PRRC2C: variants seen among roughly 807,000 people sequenced by gnomAD.
The protein encoded by PRRC2C is proline rich coiled-coil 2C, also known as protein PRRC2C.
PRRC2C carries 72 observed loss-of-function variants against 317.2 expected under a neutral mutation model. The ratio of observed to expected loss-of-function variants is 0.23; its 90% CI spans 0.19 to 0.28. The LOEUF is 0.28. PRRC2C is among the 10% of genes least tolerant of loss of function. PRRC2C has a pLI of 1.00. For synonymous variants in PRRC2C, 1,296 were observed against 1,205.9 expected (o/e 1.07, Z -1.55); for missense variants, 3,074 against 3,459.7 (o/e 0.89, Z 2.80).
At chr1:171,521,623 C>T (rs1673584921) in intron 6 of PRRC2C, among the ~76,000 whole-genome samples, 2 of 152,146 alleles carry the variant, frequency 1.3e-5, no homozygotes, top group Admixed American at 1.3e-4. Context: ...CCTGCCACCC[C>T]TACATTTTTC....
At chr1:171,494,116 T>G (rs1031887719) in intron 1 of PRRC2C, among the ~76,000 whole-genome samples, 1 of 152,220 alleles carries the variant, frequency 6.6e-6, no homozygotes, top group Non-Finnish European at 1.5e-5. Context: ...TTAAAATACA[T>G]AAGTTGTTAA....
chr1:171,514,298 CAA>C (rs1375094698), intron 3 of PRRC2C, among the ~76,000 whole-genome samples: 13 of 150,014 alleles, frequency 8.7e-5, no homozygotes, highest in African/African-American at 3.2e-4. Context: ...GTGTTTTAAA[CAA>C]AATGGAAAAC....
chr1:171,591,874 G>T lies in PRRC2C; in HGVS notation c.*27G>T. 4 of 751,178 alleles carry T rather than the reference G, an allele frequency of 5.3e-6. No homozygotes were observed. Among genetic ancestry groups the T allele is most frequent in the Non-Finnish European group, 6.3e-6 (3 of 478,044 alleles). The allele number at this position is 751,178 out of a possible 1,614,324, so 46.5% of individuals were successfully genotyped here. On this transcript the variant is annotated 3_prime_UTR_variant, in exon 35 of 35. Transcript: ENST00000647382. ...GGCTATGGTTTATTGCAGGGGATTG[G>T]GAGGGGGGCGGGAAAACATGGAGAA...
At position 171,572,543 on chromosome 1, in the gene PRRC2C, A is replaced by G. The variant is rs570412566; in HGVS notation, c.6753+1122A>G. Among the ~76,000 whole-genome samples, 20 of 152,322 alleles carry G rather than the reference A, an allele frequency of 1.3e-4. No homozygotes were observed. The East Asian group carries it at 3.5e-3, about 26-fold the overall frequency. On this transcript the variant is annotated intron_variant, in intron 24 of 34. Transcript: ENST00000647382. Reference sequence around the variant, plus strand: ...CTTCTTTGTAAGAGGCTTAACAAATATAAGTTTGAGATCATAAAATTTTAT... The same window carrying G: ...CTTCTTTGTAAGAGGCTTAACAAATGTAAGTTTGAGATCATAAAATTTTAT...
intron 23 of PRRC2C, among the ~76,000 whole-genome samples, chr1:171,570,577 C>T (rs549414324): frequency 3.3e-5 from 5 of 152,222 alleles, no homozygotes; most frequent in Middle Eastern, 6.8e-3. Context: ...AACAACTGAA[C>T]GAACCATCCA....
At chr1:171,577,988 G>A (rs1282868221) in intron 26 of PRRC2C, among the ~76,000 whole-genome samples, 1 of 144,992 alleles carries the variant, frequency 6.9e-6, no homozygotes, top group African/African-American at 2.6e-5. Context: ...GTAGAGACGG[G>A]TTTTACCGTG....
intron 24 of PRRC2C, among the ~76,000 whole-genome samples, chr1:171,574,611 G>C (rs1468919959): frequency 2.0e-5 from 3 of 152,144 alleles, no homozygotes; most frequent in Non-Finnish European, 4.4e-5. Flanking sequence ...AGAAGCATTG[G>C]AGTAAAAAGA....
intron 28 of PRRC2C, among the ~76,000 whole-genome samples, chr1:171,582,857 T>TAA (rs35348195): frequency 0.28 from 41,258 of 147,762 alleles, 6,409 homozygotes; most frequent in South Asian, 0.57. Context: ...CTAAATTTGT[T>TAA]AAAAAAAAAA....
intron 28 of PRRC2C, among the ~76,000 whole-genome samples, chr1:171,580,742 GAGTC>G (rs937524818): frequency 6.6e-5 from 10 of 152,180 alleles, no homozygotes; most frequent in Non-Finnish European, 1.5e-4. Context: ...GAGTGAGTAA[GAGTC>G]AGATAGTAGG....
intron 1 of PRRC2C, among the ~76,000 whole-genome samples, chr1:171,489,128 A>G (rs1434050536): frequency 1.3e-5 from 2 of 152,150 alleles, no homozygotes; most frequent in African/African-American, 2.4e-5. Context: ...TATTGAATGA[A>G]TGAGGGTGAG....
At chr1:171,534,539 T>G (rs1170237942) in intron 12 of PRRC2C, among the ~76,000 whole-genome samples, 1 of 152,182 alleles carries the variant, frequency 6.6e-6, no homozygotes, top group East Asian at 1.9e-4. Flanking sequence ...CTCTGAGATG[T>G]TCTCAAGACA....
At chr1:171,522,848 T>C (rs1463554760) in intron 7 of PRRC2C, among the ~76,000 whole-genome samples, 1 of 150,548 alleles carries the variant, frequency 6.6e-6, no homozygotes, top group Non-Finnish European at 1.5e-5. Flanking sequence ...TTTCATATTA[T>C]GGACTCCCCA....
chr1:171,593,462 T>C lies in PRRC2C; in HGVS notation c.*1615T>C, dbSNP rs1197175510. On this transcript the variant is annotated 3_prime_UTR_variant, in exon 35 of 35. Coordinates refer to ENST00000647382, the MANE Select transcript of PRRC2C (RefSeq NM_001387844.1). ...ACTGTATTAAATATGTAAGGTCTTA[T>C]CTACATGGGTTTGATTACAGAAACT... 6.6e-6 allele frequency: 1 copy of C among 152,114 alleles called. No homozygotes were observed. The highest frequency in any genetic ancestry group is 1.5e-5 in the Non-Finnish European group (1 of 68,012). 9.4% of individuals were successfully genotyped at this position (152,114 alleles called of 1,614,324 possible). A position where few individuals can be genotyped will look rare whatever the true frequency, so the allele number is the denominator to read the frequency against.
In PRRC2C at chr1:171,556,493, C is replaced by T. The variant is rs566087637; in HGVS notation, c.5128-747C>T. ...CTCATTTGGAAGTGCAGAAATCACC[C>T]GTCTTCTGCGTCAATCACACTGGGA... On this transcript the variant is annotated intron_variant, in intron 18 of 34. Coordinates refer to ENST00000647382, the MANE Select transcript of PRRC2C (RefSeq NM_001387844.1). Among the ~76,000 whole-genome samples the T allele has an allele frequency of 9.8e-4, 149 of 152,292 alleles. 1 individual carries two copies. Among genetic ancestry groups the T allele is most frequent in the Non-Finnish European group, 1.6e-3 (112 of 68,012 alleles).
intron 25 of PRRC2C, 68 bp from the exon 26 acceptor site, chr1:171,577,366 T>C: frequency 7.3e-7 from 1 of 1,361,710 alleles, no homozygotes; most frequent in African/African-American, 1.4e-5. Context: ...TTCTGGTTGG[T>C]ACTGTGAACA....
At chr1:171,588,867 A>G (rs936536915) in intron 33 of PRRC2C, among the ~76,000 whole-genome samples, 1 of 152,178 alleles carries the variant, frequency 6.6e-6, no homozygotes, top group African/African-American at 2.4e-5. Context: ...TTTATGTGCA[A>G]TTGAGATAAA....
Position 171,551,846 on chromosome 1 carries a change from G to A in PRRC2C, c.5127+1606G>A, listed in dbSNP as rs986396602. ...ATCTCTGTTTTGGTACCAGTACCAT[G>A]CTGTTTTGGTTACTGTAGACTTGTA... On this transcript the variant is annotated intron_variant, in intron 18 of 34. Coordinates refer to ENST00000647382, the MANE Select transcript of PRRC2C (RefSeq NM_001387844.1). Among the ~76,000 whole-genome samples the A allele has an allele frequency of 2.7e-4, 41 of 152,196 alleles. 1 individual carries two copies. Among genetic ancestry groups the A allele is most frequent in the Non-Finnish European group, 5.9e-5 (4 of 68,022 alleles).
At chr1:171,539,891 T>G in intron 15 of PRRC2C, 80 bp from the exon 16 acceptor site, 1 of 1,184,042 alleles carries the variant, frequency 8.4e-7, no homozygotes, top group Non-Finnish European at 1.2e-6. Context: ...CTTTCTGTTT[T>G]AGAGGGATTA....
chr1:171,571,273 T>C, intron 23 of PRRC2C, 47 bp from the exon 24 acceptor site: 1 of 1,140,238 alleles, frequency 8.8e-7, no homozygotes, highest in Non-Finnish European at 1.3e-6. Flanking sequence ...GGGGCTTTCG[T>C]AGTAGACACA....
Sources: allele counts gnomAD v4.1 joint callset (sites outside exome capture counted in the v4.1 genomes callset), GRCh38; gene constraint gnomAD v4.1.1; transcripts MANE v1.5; gene names NCBI Gene and HGNC (gene_info 2026-07-23, HGNC 2026-07-21).